Variants in CCDC138 observed in about 807,000 individuals in gnomAD.
CCDC138 encodes the protein coiled-coil domain-containing protein 138.
CCDC138 carries 66 observed loss-of-function variants against 82.3 expected under a neutral mutation model. The ratio of observed to expected loss-of-function variants is 0.80; its 90% CI spans 0.66 to 0.98. The LOEUF (loss-of-function observed/expected upper bound fraction) is 0.98, where lower values mean the gene tolerates loss of function less well. CCDC138 is among the 50% of genes least tolerant of loss of function. The pLI is 0.00. For synonymous variants in CCDC138, 297 were observed against 265.4 expected, an observed-to-expected ratio of 1.12 and a Z score of -1.16; for missense variants, 816 against 758.9, an observed-to-expected ratio of 1.08 and a Z score of -0.88.
chr2:108,786,939 C>G, intron 1 of CCDC138, 24 bp downstream of exon 1: 9 of 1,469,674 alleles, frequency 6.1e-6, no homozygotes, highest in Non-Finnish European at 8.2e-6. Context: ...CTGAGGTCCG[C>G]GGGTGGGCTC....
chr2:108,848,439 A>G (rs756393056), intron 12 of CCDC138, among the ~76,000 whole-genome samples: 2 of 152,216 alleles, frequency 1.3e-5, no homozygotes, highest in Non-Finnish European at 2.9e-5. Context: ...TCAAAGAAAT[A>G]TAACAGGGCA....
chr2:108,809,263 T>C (rs1200805200), intron 7 of CCDC138, among the ~76,000 whole-genome samples: 1 of 152,230 alleles, frequency 6.6e-6, no homozygotes, highest in Non-Finnish European at 1.5e-5. Context: ...GCCTCCAGTT[T>C]TGTTGTTTTC....
intron 4 of CCDC138, among the ~76,000 whole-genome samples, chr2:108,793,862 A>G (rs918849632): frequency 3.3e-5 from 5 of 151,524 alleles, no homozygotes; most frequent in African/African-American, 9.7e-5. Flanking sequence ...TCGGCCTCCC[A>G]AAGTGCTGGG....
At chr2:108,862,077 GT>G (rs71383810) in intron 13 of CCDC138, among the ~76,000 whole-genome samples, 3 of 141,374 alleles carry the variant, frequency 2.1e-5, no homozygotes, top group African/African-American at 2.6e-5. Context: ...TATGATTTCA[GT>G]TTTTTTTTTT....
chr2:108,826,990 C>G (rs1686725105), intron 10 of CCDC138, among the ~76,000 whole-genome samples: 1 of 152,064 alleles, frequency 6.6e-6, no homozygotes, highest in Admixed American at 6.5e-5. Context: ...TATTTTTATT[C>G]TTTTTGATGA....
rs1029112167 is a variant in CCDC138 at position 108,812,923 on chromosome 2, A to G, written c.1037A>G (p.Tyr346Cys). The change falls in exon 9 of 15, where the codon TAC becomes TGC. Residue 346 changes from tyrosine (Y) to cysteine (C), a missense_variant. Transcript: ENST00000295124. ...GAAAAAGCACCAGTTTCAAAAACTT[A>G]CAAGGTAAGTTTGAATTATGATTTG... ...KQEKAPVSKTYKVPLNGQVYE... is the reference protein window; with the variant it reads ...KQEKAPVSKTCKVPLNGQVYE... The G allele has an allele frequency of 3.1e-6, 5 of 1,613,544 alleles. No individual in the cohort carries two copies. In the East Asian group the frequency reaches 6.7e-5, roughly 22 times the overall value.
At position 108,861,472 on chromosome 2, in the gene CCDC138, C is replaced by CTTTTTTTTTTTTTTTTTTTTT. The variant is rs201132350; in HGVS notation, c.1693+4508_1693+4528dup. ...ACATTTAGCACTATAAACTTTCTTC[C>CTTTTTTTTTTTTTTTTTTTTT]TTTTTTTTTTTTTTTTTTTTTTTTT... On this transcript the variant is annotated intron_variant, in intron 13 of 14. Transcript: ENST00000295124. Among the ~76,000 whole-genome samples the CTTTTTTTTTTTTTTTTTTTTT allele has an allele frequency of 1.6e-5, 2 of 123,528 alleles. 1 individual carries two copies. The highest frequency in any genetic ancestry group is 7.7e-5 in the African/African-American group (2 of 25,882). The allele number at this position is 123,528 out of a possible 152,430, so 81.0% of individuals were successfully genotyped here. A position where few individuals can be genotyped will look rare whatever the true frequency, so the allele number is the denominator to read the frequency against.
intron 13 of CCDC138, among the ~76,000 whole-genome samples, chr2:108,860,461 CT>C (rs1391536592): frequency 6.6e-6 from 1 of 151,040 alleles, no homozygotes; most frequent in African/African-American, 2.4e-5. Flanking sequence ...ATGATATTGA[CT>C]GTAGTTTTGT....
chr2:108,861,789 G>C (rs562738289), intron 13 of CCDC138, among the ~76,000 whole-genome samples: 1 of 149,198 alleles, frequency 6.7e-6, no homozygotes, highest in Non-Finnish European at 1.5e-5. Context: ...CCTAAACCTC[G>C]GCCTCCCAAA....
chr2:108,788,154 C>T lies in CCDC138; in HGVS notation c.151+65C>T, dbSNP rs539657351. 31 of 1,537,582 alleles carry T rather than the reference C, an allele frequency of 2.0e-5. No individual in the cohort carries two copies. The South Asian group carries it at 3.2e-4, about 16-fold the overall frequency. On this transcript the variant is annotated intron_variant, in intron 2 of 14. Coordinates refer to ENST00000295124, the MANE Select transcript of CCDC138 (RefSeq NM_144978.3). ...TAATTTGAGGCTGGGCGCGGTGGCT[C>T]ACGCCTGTAATCCCAGCACTTTGGG...
Position 108,815,958 on chromosome 2 carries a change from A to G in CCDC138, c.1059A>G (p.Gln353=), listed in dbSNP as rs764884232. The G allele has an allele frequency of 6.2e-7, 1 of 1,609,462 alleles. No individual in the cohort carries two copies. Among genetic ancestry groups the G allele is most frequent in the Non-Finnish European group, 8.5e-7 (1 of 1,178,682 alleles). ...ACATATAGGTACCACTTAATGGGCAAGTTTATGAACTTTTAACTGTCTTCA... is the reference window on the plus strand; with the variant it reads ...ACATATAGGTACCACTTAATGGGCAGGTTTATGAACTTTTAACTGTCTTCA... ...SKTYKVPLNG[Q]VYELLTVFMD... The change falls in exon 10 of 15, where the codon CAA becomes CAG. Residue 353 remains glutamine (Q), a synonymous_variant. Transcript: ENST00000295124.
intron 14 of CCDC138, among the ~76,000 whole-genome samples, chr2:108,874,804 C>T (rs192456993): frequency 6.6e-6 from 1 of 152,160 alleles, no homozygotes; most frequent in East Asian, 1.9e-4. Context: ...CAGACTATAC[C>T]GTGATTCTCT....
At chr2:108,827,239 T>G (rs781130618) in intron 10 of CCDC138, among the ~76,000 whole-genome samples, 40 of 152,196 alleles carry the variant, frequency 2.6e-4, no homozygotes, top group Non-Finnish European at 5.3e-4. Context: ...CAAAAAATTA[T>G]TAGAACTCAT....
chr2:108,811,247 C>CTCTCTTTTTTTTTTTTTTTTTTTTTT (rs760937756), intron 7 of CCDC138, among the ~76,000 whole-genome samples: 1 of 113,938 alleles, frequency 8.8e-6, no homozygotes, highest in African/African-American at 3.8e-5. Flanking sequence ...TTCTCTCTCT[C>CTCTCTTTTTTTTTTTTTTTTTTTTTT]TTTTTTTTTT....
intron 10 of CCDC138, among the ~76,000 whole-genome samples, chr2:108,831,968 G>A (rs1687759189): frequency 6.6e-6 from 1 of 151,958 alleles, no homozygotes; most frequent in African/African-American, 2.4e-5. Context: ...TCTGACCTCA[G>A]GTGATCCACC....
chr2:108,790,044 A>G (rs1363728329), intron 3 of CCDC138, among the ~76,000 whole-genome samples: 1 of 152,184 alleles, frequency 6.6e-6, no homozygotes, highest in East Asian at 1.9e-4. Flanking sequence ...TGGGAGCTTG[A>G]CTTTTTTTAA....
chr2:108,815,143 A>T (rs1240859259), intron 9 of CCDC138, among the ~76,000 whole-genome samples: 1 of 152,138 alleles, frequency 6.6e-6, no homozygotes, highest in Non-Finnish European at 1.5e-5. Flanking sequence ...AAATGTTCAT[A>T]TGTGTATTGA....
At chr2:108,810,440 A>G (rs1683597074) in intron 7 of CCDC138, among the ~76,000 whole-genome samples, 1 of 152,180 alleles carries the variant, frequency 6.6e-6, no homozygotes, top group Non-Finnish European at 1.5e-5. Context: ...TATACTCTTC[A>G]TTCTGTTAAA....
At position 108,798,512 on chromosome 2, in the gene CCDC138, A is replaced by C. The variant is rs145284720; in HGVS notation, c.661A>C (p.Arg221=). 1.2e-6 allele frequency: 2 copies of C among 1,614,018 alleles called. No individual in the cohort carries two copies. The highest frequency in any genetic ancestry group is 4.5e-5 in the East Asian group (2 of 44,854). Residue 221 remains arginine, a synonymous_variant, in exon 6 of 15, where the codon AGA becomes CGA. Transcript: ENST00000295124. ...ACTTGAAAGAGAACAACTGCTTTTC[A>C]GACATGAAAATGCCTTGAGTAAAAT... ...FLLEREQLLF[R]HENALSKIKG...
Sources: gnomAD v4.1 joint callset for allele counts (sites outside exome capture counted in the v4.1 genomes callset) on GRCh38, gnomAD v4.1.1 for gene constraint, MANE v1.5 for transcripts, NCBI Gene and HGNC (gene_info 2026-07-23, HGNC 2026-07-21) for gene names.